The following ELP4 variants were observed in gnomAD, a reference collection of about 807,000 sequenced individuals.
ELP4 encodes the protein elongator acetyltransferase complex subunit 4.
A neutral mutation model predicts 48.9 loss-of-function variants in ELP4; 51 were observed. That is an observed-to-expected ratio of 1.04 (90% CI 0.83 to 1.32). ELP4 has a LOEUF of 1.32. Among genes scored for constraint, ELP4 ranks in the 40% most tolerant of loss-of-function variants. ELP4 has a pLI of 0.00. For synonymous variants in ELP4, 210 were observed against 189.2 expected (o/e 1.11, Z -0.90); for missense variants, 519 against 514.6 (o/e 1.01, Z -0.08).
At chr11:31,777,144 A>G (rs1948265561) in intron 9 of ELP4, among the ~76,000 whole-genome samples, 1 of 152,166 alleles carries the variant, frequency 6.6e-6, no homozygotes, top group African/African-American at 2.4e-5. Flanking sequence ...AATATAAAAT[A>G]TAATGATTAT....
chr11:31,543,029 G>GGATT (rs1956617622), intron 3 of ELP4, among the ~76,000 whole-genome samples: 1 of 151,976 alleles, frequency 6.6e-6, no homozygotes, highest in East Asian at 1.9e-4. Flanking sequence ...GGTGCAAAGT[G>GGATT]GATTAGACAC....
intron 9 of ELP4, among the ~76,000 whole-genome samples, chr11:31,753,548 G>A (rs1383286575): frequency 6.6e-6 from 1 of 152,192 alleles, no homozygotes; most frequent in African/African-American, 2.4e-5. Flanking sequence ...TGTGTAAATT[G>A]TTACAACTGC....
intron 1 of ELP4, among the ~76,000 whole-genome samples, chr11:31,517,332 G>A (rs909961007): frequency 4.6e-5 from 7 of 151,398 alleles, no homozygotes; most frequent in African/African-American, 1.5e-4. Context: ...TTACAGGAGC[G>A]GGCCACCACA....
intron 3 of ELP4, among the ~76,000 whole-genome samples, chr11:31,572,067 C>G (rs1957201492): frequency 6.6e-6 from 1 of 152,208 alleles, no homozygotes; most frequent in African/African-American, 2.4e-5. Flanking sequence ...ATTGACTTCT[C>G]TCTAGCCATG....
intron 3 of ELP4, among the ~76,000 whole-genome samples, chr11:31,543,982 C>A (rs559328277): frequency 6.4e-4 from 98 of 152,258 alleles, no homozygotes; most frequent in Middle Eastern, 3.4e-3. Context: ...ACAAAAAAAT[C>A]AAAATAATGC....
chr11:31,762,094 T>A (rs1947957138), intron 9 of ELP4: 1 of 152,166 alleles, frequency 6.6e-6, no homozygotes. Flanking sequence ...GCAGAAATGA[T>A]CTACAGTGAC....
chr11:31,522,502 G>A (rs1330456906), intron 2 of ELP4, among the ~76,000 whole-genome samples: 3 of 152,058 alleles, frequency 2.0e-5, no homozygotes, highest in African/African-American at 4.8e-5. Context: ...CAACTGCATA[G>A]GATTTGATTA....
At chr11:31,532,097 A>G (rs1022702856) in intron 2 of ELP4, among the ~76,000 whole-genome samples, 8 of 152,342 alleles carry the variant, frequency 5.3e-5, no homozygotes, top group African/African-American at 1.9e-4. Context: ...TGAGGTAGGT[A>G]TAATTTTATT....
intron 9 of ELP4, among the ~76,000 whole-genome samples, chr11:31,768,200 A>G (rs1948077444): frequency 6.6e-6 from 1 of 152,210 alleles, no homozygotes. Flanking sequence ...AGTATTCATG[A>G]CAATATTGTT....
intron 3 of ELP4, among the ~76,000 whole-genome samples, chr11:31,556,106 A>G (rs1172987113): frequency 6.6e-6 from 1 of 151,890 alleles, no homozygotes; most frequent in Non-Finnish European, 1.5e-5. Context: ...GCTGCCTAAG[A>G]TATATAACCA....
At chr11:31,616,230 A>G (rs906670622) in intron 5 of ELP4, among the ~76,000 whole-genome samples, 6 of 152,092 alleles carry the variant, frequency 3.9e-5, no homozygotes, top group Admixed American at 3.9e-4. Flanking sequence ...AAAATTGCGT[A>G]TAAGGACAGA....
rs973693066 is a variant in ELP4, at chr11:31,789,354, CT to C, written c.*5836del. ...TTCTTCCTTGAATTTATATCTTACC[CT>C]TTTTTGCACATAAACTTCATCTGTT... On this transcript the variant is annotated 3_prime_UTR_variant, in exon 10 of 10. Coordinates refer to ENST00000640961, the MANE Select transcript of ELP4 (RefSeq NM_019040.5). 5 of 273,486 alleles carry C rather than the reference CT, an allele frequency of 1.8e-5. No individual in the cohort carries two copies. Among genetic ancestry groups the C allele is most frequent in the Non-Finnish European group, 3.4e-5 (5 of 146,480 alleles). The allele number at this position is 273,486 out of a possible 1,614,324, so 16.9% of individuals were successfully genotyped here.
intron 3 of ELP4, among the ~76,000 whole-genome samples, chr11:31,585,825 G>T (rs1957463153): frequency 6.6e-6 from 1 of 152,156 alleles, no homozygotes; most frequent in Non-Finnish European, 1.5e-5. Context: ...AGGCATGATG[G>T]CTCATGATTG....
intron 3 of ELP4, among the ~76,000 whole-genome samples, chr11:31,585,429 T>A (rs1957455969): frequency 6.7e-6 from 1 of 150,164 alleles, no homozygotes; most frequent in African/African-American, 2.5e-5. Context: ...AGAGCCTGGG[T>A]ATTATTAAAA....
rs1948668182 is a variant in ELP4 at position 31,786,800 on chromosome 11, C to T, written c.*3276C>T. 1 of 218,914 alleles carries T rather than the reference C, an allele frequency of 4.6e-6. No homozygotes were observed. The highest frequency in any genetic ancestry group is 9.2e-6 in the Non-Finnish European group (1 of 109,060). 13.6% of individuals were successfully genotyped at this position (218,914 alleles called of 1,614,324 possible). A position where few individuals can be genotyped will look rare whatever the true frequency, so the allele number is the denominator to read the frequency against. On this transcript the variant is annotated 3_prime_UTR_variant, in exon 10 of 10. Coordinates refer to ENST00000640961, the MANE Select transcript of ELP4 (RefSeq NM_019040.5). ...TCTAGAAATTCATTGCAGTAAAATG[C>T]ATTTTTTTACTTAGAGCAGTTTGAA...
At chr11:31,630,227 CTTTTTTT>C (rs11441798) in intron 6 of ELP4, among the ~76,000 whole-genome samples, 1 of 128,462 alleles carries the variant, frequency 7.8e-6, no homozygotes, top group Non-Finnish European at 1.6e-5. Context: ...TTCTAAAATC[CTTTTTTT>C]TTTTTTTTTT....
intron 9 of ELP4, among the ~76,000 whole-genome samples, chr11:31,674,768 A>T (rs1379047386): frequency 6.6e-6 from 1 of 152,228 alleles, no homozygotes; most frequent in Non-Finnish European, 1.5e-5. Context: ...TTTTCTCTCA[A>T]ACCTGAAGGC....
chr11:31,657,637 T>C (rs1040752011), intron 9 of ELP4, among the ~76,000 whole-genome samples: 2 of 151,988 alleles, frequency 1.3e-5, no homozygotes, highest in Non-Finnish European at 2.9e-5. Context: ...GGTGCTTTCA[T>C]ATACATTATT....
intron 9 of ELP4, among the ~76,000 whole-genome samples, chr11:31,745,579 T>TAAA (rs1029130009): frequency 3.5e-4 from 53 of 152,024 alleles, no homozygotes; most frequent in African/African-American, 1.3e-3. Context: ...CCCTCAGAAA[T>TAAA]AATACCACAC....
Sources: allele counts gnomAD v4.1 joint callset (sites outside exome capture counted in the v4.1 genomes callset), GRCh38; gene constraint gnomAD v4.1.1; transcripts MANE v1.5; gene names NCBI Gene and HGNC (gene_info 2026-07-23, HGNC 2026-07-21).